Variants in C1QTNF3 observed in about 807,000 individuals in gnomAD.
The protein encoded by C1QTNF3 is C1q and TNF related 3.
Under a neutral mutation model 32.6 loss-of-function variants are expected in C1QTNF3, and 26 were observed. That is an observed-to-expected ratio of 0.80 (90% CI 0.58 to 1.11). The LOEUF is 1.11. C1QTNF3 is among the 50% of genes least tolerant of loss of function. The pLI is 0.00. For missense variants in C1QTNF3, 362 were observed against 398.2 expected (o/e 0.91, Z 0.77); for synonymous variants, 155 against 146.0 (o/e 1.06, Z -0.44).
the C1QTNF3 span, among the ~76,000 whole-genome samples, chr5:34,188,864 T>G: frequency 6.6e-6 from 1 of 152,106 alleles, no homozygotes; most frequent in Non-Finnish European, 1.5e-5. Flanking sequence ...AAGAATTATA[T>G]GGTTTGGCTC....
chr5:34,044,992 A>G (rs299617), upstream of C1QTNF3, among the ~76,000 whole-genome samples: 71,924 of 151,970 alleles, frequency 0.47, 18,125 homozygotes, highest in East Asian at 0.62. Flanking sequence ...GAGGGTGAGC[A>G]AGTGGATGGG....
At chr5:34,204,823 GC>G in the C1QTNF3 span, among the ~76,000 whole-genome samples, 1 of 146,478 alleles carries the variant, frequency 6.8e-6, no homozygotes, top group Non-Finnish European at 1.5e-5. Context: ...ATTTTCTATA[GC>G]TTTCTGGACC....
chr5:34,050,103 A>C, the C1QTNF3 span, among the ~76,000 whole-genome samples: 1 of 152,220 alleles, frequency 6.6e-6, no homozygotes, highest in Non-Finnish European at 1.5e-5. Flanking sequence ...AATGGAAGAT[A>C]ACTTTCTCAT....
chr5:34,073,119 A>G, the C1QTNF3 span, among the ~76,000 whole-genome samples: 4 of 152,150 alleles, frequency 2.6e-5, no homozygotes, highest in Admixed American at 1.3e-4. Context: ...CGAAGTCAGG[A>G]GATCGAGACC....
chr5:34,241,845 T>C, the C1QTNF3 span, among the ~76,000 whole-genome samples: 1 of 151,308 alleles, frequency 6.6e-6, no homozygotes, highest in Middle Eastern at 3.4e-3. Context: ...TGAGCTATAG[T>C]AACTCCACTG....
the C1QTNF3 span, among the ~76,000 whole-genome samples, chr5:34,230,023 C>T: frequency 6.6e-6 from 1 of 152,152 alleles, no homozygotes; most frequent in Middle Eastern, 3.2e-3. Context: ...CATCTACTAA[C>T]CAGAGAGGGA....
At chr5:34,047,559 T>C (rs1755008191), upstream of C1QTNF3, among the ~76,000 whole-genome samples, 1 of 152,232 alleles carries the variant, frequency 6.6e-6, no homozygotes, top group Non-Finnish European at 1.5e-5. Flanking sequence ...GGCAACTGTT[T>C]GCATGATTTT....
chr5:34,123,625 T>C, the C1QTNF3 span, among the ~76,000 whole-genome samples: 216 of 143,060 alleles, frequency 1.5e-3, 1 homozygote, highest in Middle Eastern at 3.5e-3. Flanking sequence ...AGATATGCTT[T>C]TTTTTTTTCT....
chr5:34,222,987 A>G, the C1QTNF3 span, among the ~76,000 whole-genome samples: 2 of 151,922 alleles, frequency 1.3e-5, no homozygotes, highest in African/African-American at 4.8e-5. Context: ...GTGTAGTGCT[A>G]TAATTAAAAA....
the C1QTNF3 span, among the ~76,000 whole-genome samples, chr5:34,103,092 G>A: frequency 6.6e-6 from 1 of 152,108 alleles, no homozygotes. Flanking sequence ...TTTGAAATAT[G>A]TTAAATGCTG....
chr5:34,023,785 G>A, intron 5 of C1QTNF3, 124 bp downstream of exon 5: 1 of 620,266 alleles, frequency 1.6e-6, no homozygotes, highest in Non-Finnish European at 2.9e-6. Context: ...GTGCATGAGG[G>A]CTCTTATTAA....
the C1QTNF3 span, among the ~76,000 whole-genome samples, chr5:34,054,551 C>G: frequency 7.2e-5 from 11 of 152,264 alleles, no homozygotes; most frequent in East Asian, 2.1e-3. Flanking sequence ...TTTATAAAAA[C>G]AAATGGCAGC....
the C1QTNF3 span, among the ~76,000 whole-genome samples, chr5:34,098,358 A>C: frequency 1.1e-4 from 17 of 151,244 alleles, no homozygotes; most frequent in South Asian, 4.2e-4. Context: ...TGTTCATATG[A>C]TTTGGGGAAC....
At chr5:34,141,309 G>A in the C1QTNF3 span, among the ~76,000 whole-genome samples, 1 of 152,022 alleles carries the variant, frequency 6.6e-6, no homozygotes, top group East Asian at 1.9e-4. Flanking sequence ...TAATAAAGAT[G>A]GGGTTTCACT....
chr5:34,225,706 T>C, the C1QTNF3 span, among the ~76,000 whole-genome samples: 1 of 151,892 alleles, frequency 6.6e-6, no homozygotes, highest in African/African-American at 2.4e-5. Flanking sequence ...ACCTTGGTCT[T>C]GGGTCTTCCT....
the C1QTNF3 span, among the ~76,000 whole-genome samples, chr5:34,233,735 TA>T: frequency 6.6e-6 from 1 of 152,084 alleles, no homozygotes. Flanking sequence ...GTTTGTTTTG[TA>T]AACCATTATT....
At chr5:34,109,733 A>C in the C1QTNF3 span, among the ~76,000 whole-genome samples, 1 of 152,290 alleles carries the variant, frequency 6.6e-6, no homozygotes, top group African/African-American at 2.4e-5. Flanking sequence ...ATCCAGGTTC[A>C]AATTTCTGCC....
the C1QTNF3 span, among the ~76,000 whole-genome samples, chr5:34,073,588 C>T: frequency 1.2e-4 from 19 of 152,160 alleles, no homozygotes; most frequent in Non-Finnish European, 2.8e-4. Flanking sequence ...CAGAATTTCT[C>T]AGACAAGAGC....
upstream of C1QTNF3, among the ~76,000 whole-genome samples, chr5:34,046,510 C>T (rs1754988559): frequency 6.6e-6 from 1 of 152,128 alleles, no homozygotes; most frequent in South Asian, 2.1e-4. Context: ...AATGCATTTA[C>T]AAGCCAAGGA....
Sources: gnomAD v4.1 joint callset for allele counts (sites outside exome capture counted in the v4.1 genomes callset) on GRCh38, gnomAD v4.1.1 for gene constraint, MANE v1.5 for transcripts, NCBI Gene and HGNC (gene_info 2026-07-23, HGNC 2026-07-21) for gene names.